LRP1B: variants seen among roughly 807,000 people sequenced by gnomAD.
LRP1B encodes low-density lipoprotein receptor-related protein 1B.
In LRP1B, 217 loss-of-function variants were observed where a neutral mutation model predicts 556.6. The ratio of observed to expected loss-of-function variants is 0.39; its 90% CI spans 0.35 to 0.44. The LOEUF (loss-of-function observed/expected upper bound fraction) is 0.44. LRP1B is among the 20% of genes least tolerant of loss of function. The probability of loss-of-function intolerance (pLI) is 1.00; values close to 1 mark genes in which losing one functional copy is unlikely to be tolerated. For missense variants in LRP1B, 5,053 were observed against 5,620.8 expected, an observed-to-expected ratio of 0.90 and a Z score of 3.23; for synonymous variants, 2,047 against 1,865.8, an observed-to-expected ratio of 1.10 and a Z score of -2.50.
chr2:140,346,619 T>C (rs1294403878), intron 77 of LRP1B, among the ~76,000 whole-genome samples: 1 of 151,916 alleles, frequency 6.6e-6, no homozygotes, highest in African/African-American at 2.4e-5. Flanking sequence ...GAAATAAGAC[T>C]TTTAAGTGTT....
intron 20 of LRP1B, among the ~76,000 whole-genome samples, chr2:140,939,885 ATTT>A (rs3063651): frequency 7.5e-6 from 1 of 132,646 alleles, no homozygotes; most frequent in African/African-American, 2.8e-5. Flanking sequence ...ATTTGGTGTA[ATTT>A]TTTTTTTTTT....
intron 3 of LRP1B, among the ~76,000 whole-genome samples, chr2:141,349,831 C>A (rs1050989719): frequency 6.6e-6 from 1 of 151,916 alleles, no homozygotes; most frequent in Non-Finnish European, 1.5e-5. Context: ...ATCTTAATAA[C>A]TATCAAAGAG....
At chr2:142,015,527 C>G (rs1431988856) in intron 1 of LRP1B, among the ~76,000 whole-genome samples, 4 of 152,136 alleles carry the variant, frequency 2.6e-5, no homozygotes, top group Admixed American at 1.3e-4. Context: ...CAAATGGGAT[C>G]TAATTAAACG....
At chr2:141,696,707 C>T (rs1691743189) in intron 2 of LRP1B, among the ~76,000 whole-genome samples, 1 of 151,868 alleles carries the variant, frequency 6.6e-6, no homozygotes, top group Non-Finnish European at 1.5e-5. Context: ...TGGGGAAGAA[C>T]CACTATAGTG....
chr2:141,232,843 C>A (rs768571407), intron 5 of LRP1B, among the ~76,000 whole-genome samples: 3 of 152,110 alleles, frequency 2.0e-5, no homozygotes, highest in Non-Finnish European at 2.9e-5. Flanking sequence ...CCTCTTTAGA[C>A]AGAAGGTCAA....
intron 1 of LRP1B, among the ~76,000 whole-genome samples, chr2:141,855,218 C>A (rs114414286): frequency 6.6e-6 from 1 of 151,950 alleles, no homozygotes; most frequent in African/African-American, 2.4e-5. Context: ...TTAAGAATTT[C>A]AATTTTGACA....
intron 80 of LRP1B, among the ~76,000 whole-genome samples, chr2:140,325,234 T>G (rs986271561): frequency 6.6e-6 from 1 of 151,888 alleles, no homozygotes; most frequent in Non-Finnish European, 1.5e-5. Flanking sequence ...GCCAGGCAGA[T>G]AGGTGGGCAT....
Position 142,120,392 on chromosome 2 carries a change from G to A in LRP1B, c.82+10256C>T, listed in dbSNP as rs915715682. 1.8e-4 allele frequency among the ~76,000 whole-genome samples: 28 copies of A among 152,114 alleles called. 1 individual carries two copies. Among genetic ancestry groups the A allele is most frequent in the African/African-American group, 5.3e-4 (22 of 41,436 alleles). On this transcript the variant is annotated intron_variant, in intron 1 of 90. Coordinates refer to ENST00000389484, the MANE Select transcript of LRP1B (RefSeq NM_018557.3). The stretch of plus-strand genomic sequence containing the variant: ...CTCCCAAAGTGCTGGGATTACAGGC[G>A]TGAGCCACCATGCCCGGCCTTTACT...
intron 54 of LRP1B, 142 bp downstream of exon 54, chr2:140,502,821 G>C: frequency 1.4e-6 from 1 of 717,060 alleles, no homozygotes; most frequent in Non-Finnish European, 2.2e-6. Context: ...TCAATTACTA[G>C]TACCCTGCAT....
intron 3 of LRP1B, among the ~76,000 whole-genome samples, chr2:141,383,286 T>C (rs549477044): frequency 5.3e-5 from 8 of 152,200 alleles, no homozygotes; most frequent in African/African-American, 1.9e-4. Context: ...ACAACTATAA[T>C]GGAAAACAGT....
chr2:141,589,626 A>C (rs1326704441), intron 2 of LRP1B, among the ~76,000 whole-genome samples: 1 of 152,192 alleles, frequency 6.6e-6, no homozygotes, highest in Non-Finnish European at 1.5e-5. Flanking sequence ...GTCAGTTCTA[A>C]GGAAACACTT....
chr2:141,491,969 T>G (rs1376040657), intron 2 of LRP1B, among the ~76,000 whole-genome samples: 1 of 151,464 alleles, frequency 6.6e-6, no homozygotes, highest in Non-Finnish European at 1.5e-5. Flanking sequence ...TGTCAGCTGG[T>G]TAGTGGAAGA....
intron 7 of LRP1B, among the ~76,000 whole-genome samples, chr2:141,123,329 C>CT (rs1274282962): frequency 1.3e-5 from 2 of 151,020 alleles, no homozygotes; most frequent in African/African-American, 4.9e-5. Context: ...GTGATTGTGT[C>CT]TTTTTTAGTA....
At chr2:140,398,257 A>G (rs1401453491) in intron 66 of LRP1B, among the ~76,000 whole-genome samples, 1 of 152,188 alleles carries the variant, frequency 6.6e-6, no homozygotes, top group Non-Finnish European at 1.5e-5. Context: ...CTACATACAT[A>G]TATTAGATAA....
chr2:140,815,671 A>G (rs1416013171), intron 31 of LRP1B, among the ~76,000 whole-genome samples: 1 of 152,160 alleles, frequency 6.6e-6, no homozygotes, highest in African/African-American at 2.4e-5. Context: ...TTGTCAAGCC[A>G]TATATTTAGG....
chr2:141,176,907 A>G (rs1390646555), intron 7 of LRP1B, among the ~76,000 whole-genome samples: 2 of 152,138 alleles, frequency 1.3e-5, no homozygotes, highest in Non-Finnish European at 2.9e-5. Context: ...ATAAAATTAC[A>G]TAGTGGTTTC....
rs567543489 is a variant in LRP1B at position 140,705,131 on chromosome 2, A to G, written c.6024-2578T>C. 1.0e-3 allele frequency among the ~76,000 whole-genome samples: 154 copies of G among 152,254 alleles called. 2 individuals carry two copies. The Middle Eastern group carries it at 0.02, about 20-fold the overall frequency. On this transcript the variant is annotated intron_variant, in intron 37 of 90. Transcript: ENST00000389484. ...TGTCTTCCCTAGAATACACTGTCTC[A>G]CCAAATAGAAAGATAACACAGAAAT...
chr2:140,312,101 A>C (rs1360412917), intron 83 of LRP1B, among the ~76,000 whole-genome samples: 1 of 151,914 alleles, frequency 6.6e-6, no homozygotes, highest in African/African-American at 2.4e-5. Flanking sequence ...AAGTCCTCAG[A>C]TGTGGTGGCA....
At chr2:141,013,203 C>T (rs1032534859) in intron 14 of LRP1B, among the ~76,000 whole-genome samples, 3 of 151,842 alleles carry the variant, frequency 2.0e-5, no homozygotes, top group African/African-American at 7.2e-5. Context: ...TCTTTTCAAA[C>T]TAAGGAAGTT....
Sources: gnomAD v4.1 joint callset for allele counts (sites outside exome capture counted in the v4.1 genomes callset) on GRCh38, gnomAD v4.1.1 for gene constraint, MANE v1.5 for transcripts, NCBI Gene and HGNC (gene_info 2026-07-23, HGNC 2026-07-21) for gene names.